ZNF320: variants seen among roughly 807,000 people sequenced by gnomAD.
ZNF320 encodes zinc finger gene 320.
In ZNF320, 2 loss-of-function variants were observed where a neutral mutation model predicts 6.8. The ratio of observed to expected loss-of-function variants is 0.29; its 90% CI spans 0.12 to 0.93. ZNF320 has a LOEUF of 0.93. Among genes scored for constraint, ZNF320 ranks in the 40% least tolerant of loss-of-function variants. The pLI is 0.55. For missense variants in ZNF320, 472 were observed against 611.0 expected (o/e 0.77, Z 2.40); for synonymous variants, 208 against 203.2 (o/e 1.02, Z -0.20).
At chr19:52,882,267 C>A (rs1237956660) in intron 5 of ZNF320, among the ~76,000 whole-genome samples, 2 of 152,002 alleles carry the variant, frequency 1.3e-5, no homozygotes, top group Non-Finnish European at 2.9e-5. Context: ...CACTTTAATC[C>A]TAAGGGGTAT....
chr19:52,870,351 C>T (rs2063657501), intron 5 of ZNF320, among the ~76,000 whole-genome samples: 1 of 151,480 alleles, frequency 6.6e-6, no homozygotes, highest in African/African-American at 2.4e-5. Context: ...TGGTGGCAGG[C>T]ACCTGTAGTC....
In ZNF320 at chr19:52,881,269, G is replaced by GA; in HGVS notation, c.856dup (p.Ser286PhefsTer7). The stretch of plus-strand genomic sequence containing the variant: ...AACTGCCTTATGAATTACGAGGACT[G>GA]AATTTCGAGCGAAGGTCTTGCCACA... On this transcript the variant is annotated frameshift_variant, in exon 6 of 6. Coordinates refer to ENST00000682928, the MANE Select transcript of ZNF320 (RefSeq NM_001351774.2). LOFTEE classifies it low-confidence loss of function (END_TRUNC). 1.9e-6 allele frequency: 3 copies of GA among 1,614,160 alleles called. No individual in the cohort carries two copies. The highest frequency in any genetic ancestry group is 2.5e-6 in the Non-Finnish European group (3 of 1,180,040).
chr19:52,863,381 G>A (rs1471446076), exon 6 of ZNF320, among the ~76,000 whole-genome samples: 1 of 151,956 alleles, frequency 6.6e-6, no homozygotes, highest in Admixed American at 6.6e-5. Context: ...GGTGGATCAC[G>A]AGGTCAGGAG....
At chr19:52,888,336 C>T in intron 4 of ZNF320, 83 bp from the exon 5 acceptor site, 1 of 567,774 alleles carries the variant, frequency 1.8e-6, no homozygotes, top group Non-Finnish European at 2.7e-6. Flanking sequence ...GAGGGGAAAG[C>T]ATGGATTTAA....
In ZNF320 at chr19:52,887,013, A is replaced by AAAGAAAAGAAAAG. The variant is rs57262460; in HGVS notation, c.142+1113_142+1114insCTTTTCTTTTCTT. On this transcript the variant is annotated intron_variant, in intron 5 of 5. Transcript: ENST00000682928. ...AGGAAGGAAGGAAGGAAGGAAAAGA[A>AAAGAAAAGAAAAG]AAAACAAAACAAAAGAAAAGAAAAG... Among the ~76,000 whole-genome samples the AAAGAAAAGAAAAG allele has an allele frequency of 2.0e-3, 289 of 143,322 alleles. 2 individuals carry two copies. Among genetic ancestry groups the AAAGAAAAGAAAAG allele is most frequent in the African/African-American group, 7.4e-3 (281 of 38,172 alleles). 94.0% of individuals were successfully genotyped at this position (143,322 alleles called of 152,430 possible).
exon 6 of ZNF320, among the ~76,000 whole-genome samples, chr19:52,861,616 C>A (rs563213341): frequency 6.6e-6 from 1 of 152,296 alleles, no homozygotes; most frequent in South Asian, 2.1e-4. Flanking sequence ...AGCCACCGTG[C>A]CTGGCCCAAT....
chr19:52,902,484 T>G (rs2064574355), upstream of ZNF320, among the ~76,000 whole-genome samples: 1 of 152,226 alleles, frequency 6.6e-6, no homozygotes, highest in South Asian at 2.1e-4. Context: ...ATTTGATCTA[T>G]TTCAACCAGG....
At chr19:52,874,903 C>T (rs2063739034), downstream of ZNF320, among the ~76,000 whole-genome samples, 2 of 152,124 alleles carry the variant, frequency 1.3e-5, no homozygotes, top group African/African-American at 4.8e-5. Flanking sequence ...GGAGCAACCT[C>T]AGTCCCAGAA....
At chr19:52,886,768 T>C (rs1218295003) in intron 5 of ZNF320, among the ~76,000 whole-genome samples, 4 of 151,992 alleles carry the variant, frequency 2.6e-5, no homozygotes, top group African/African-American at 9.7e-5. Context: ...AAACCCCATC[T>C]CTACTAAAAA....
At chr19:52,873,156 C>T (rs1396116270), downstream of ZNF320, among the ~76,000 whole-genome samples, 1 of 152,058 alleles carries the variant, frequency 6.6e-6, no homozygotes, top group Non-Finnish European at 1.5e-5. Context: ...CTTATCTCAA[C>T]TGCAAAGAGG....
intron 1 of ZNF320, chr19:52,895,524 A>C (rs979135010): frequency 6.7e-6 from 1 of 149,832 alleles, no homozygotes; most frequent in Non-Finnish European, 1.5e-5. Context: ...AAACAACCTA[A>C]AATTGGCCAG....
At chr19:52,900,568 T>C (rs1395201182), upstream of ZNF320, among the ~76,000 whole-genome samples, 1 of 152,208 alleles carries the variant, frequency 6.6e-6, no homozygotes, top group African/African-American at 2.4e-5. Context: ...TTTTAGTTTT[T>C]CCTGGAATCT....
At chr19:52,893,328 T>C (rs2064369934) in intron 2 of ZNF320, 1 of 152,104 alleles carries the variant, frequency 6.6e-6, no homozygotes, top group Non-Finnish European at 1.5e-5. Context: ...ATTATGTATA[T>C]ATATTGCAAA....
At chr19:52,886,373 G>A (rs913906795) in intron 5 of ZNF320, among the ~76,000 whole-genome samples, 8 of 152,094 alleles carry the variant, frequency 5.3e-5, no homozygotes, top group African/African-American at 1.2e-4. Context: ...GACCTCAGGC[G>A]ATCTGCCCAC....
rs762290527 is a variant in ZNF320, at chr19:52,890,266, T to C, written c.-11A>G. 6.2e-7 allele frequency: 1 copy of C among 1,607,128 alleles called. No individual in the cohort carries two copies. Among genetic ancestry groups the C allele is most frequent in the Non-Finnish European group, 8.5e-7 (1 of 1,179,588 alleles). On this transcript the variant is annotated 5_prime_UTR_variant, in exon 4 of 6. Transcript: ENST00000682928. ...CTGAGAAAGAGCCATCCCCGACTCC[T>C]TTGCTTTCCTCTTCCTCTTCTGGGT...
At chr19:52,901,108 TC>T (rs2064569945), upstream of ZNF320, among the ~76,000 whole-genome samples, 1 of 152,164 alleles carries the variant, frequency 6.6e-6, no homozygotes, top group Non-Finnish European at 1.5e-5. Context: ...AAAACTGTAA[TC>T]ATGGGAGGCT....
chr19:52,863,821 A>C (rs938621949), exon 6 of ZNF320: 1 of 218,322 alleles, frequency 4.6e-6, no homozygotes. Context: ...TATGGAGGTC[A>C]GGAGTTCGAG....
At chr19:52,899,669 G>A (rs1259789314), upstream of ZNF320, among the ~76,000 whole-genome samples, 1 of 152,044 alleles carries the variant, frequency 6.6e-6, no homozygotes, top group Non-Finnish European at 1.5e-5. Context: ...CACTGTGTTA[G>A]CCAGGATGGT....
chr19:52,887,733 T>C (rs1363550527), intron 5 of ZNF320, among the ~76,000 whole-genome samples: 4 of 152,110 alleles, frequency 2.6e-5, no homozygotes, highest in African/African-American at 9.7e-5. Flanking sequence ...ATTGCAGGTG[T>C]GCACCATGAC....
Sources: gnomAD v4.1 joint callset for allele counts (sites outside exome capture counted in the v4.1 genomes callset) on GRCh38, gnomAD v4.1.1 for gene constraint, MANE v1.5 for transcripts, NCBI Gene and HGNC (gene_info 2026-07-23, HGNC 2026-07-21) for gene names.